PELI2: variants seen among roughly 807,000 people sequenced by gnomAD.
PELI2 encodes the protein pellino E3 ubiquitin protein ligase family member 2.
PELI2 carries 23 observed loss-of-function variants against 42.3 expected under a neutral mutation model. That is an observed-to-expected ratio of 0.54 (90% CI 0.39 to 0.77). The LOEUF (loss-of-function observed/expected upper bound fraction) is 0.77. Ranked by LOEUF, PELI2 falls within the 30% of genes least tolerant of loss-of-function variation. The pLI, the probability that PELI2 is intolerant of heterozygous loss-of-function variation, is 0.00. For missense variants in PELI2, 463 were observed against 553.2 expected (o/e 0.84, Z 1.64); for synonymous variants, 245 against 212.2 (o/e 1.15, Z -1.34).
At chr14:56,136,008 A>G (rs1056305309) in intron 1 of PELI2, among the ~76,000 whole-genome samples, 2 of 152,186 alleles carry the variant, frequency 1.3e-5, no homozygotes, top group Admixed American at 6.5e-5. Flanking sequence ...CTTTCTGAAC[A>G]TTAGTGATTG....
chr14:56,277,920 A>G (rs1889348786), intron 2 of PELI2, among the ~76,000 whole-genome samples: 1 of 152,196 alleles, frequency 6.6e-6, no homozygotes, highest in Non-Finnish European at 1.5e-5. Context: ...GAAACACCAT[A>G]CTTAAGCAGG....
At chr14:56,126,738 GGATT>G (rs931442616) in intron 1 of PELI2, among the ~76,000 whole-genome samples, 5 of 152,086 alleles carry the variant, frequency 3.3e-5, no homozygotes, top group East Asian at 1.9e-4. Flanking sequence ...ATTGATTGAT[GGATT>G]GATTGATTGA....
At chr14:56,282,498 G>A (rs1323615499) in intron 3 of PELI2, among the ~76,000 whole-genome samples, 6 of 152,050 alleles carry the variant, frequency 3.9e-5, no homozygotes, top group Non-Finnish European at 8.8e-5. Flanking sequence ...AGTTGCCTTT[G>A]TGGGGAAAGG....
intron 2 of PELI2, among the ~76,000 whole-genome samples, chr14:56,256,375 C>G (rs1408297043): frequency 1.3e-5 from 2 of 151,898 alleles, no homozygotes; most frequent in Non-Finnish European, 2.9e-5. Flanking sequence ...TCTCTTGAAC[C>G]TAAAAAGATT....
intron 1 of PELI2, among the ~76,000 whole-genome samples, chr14:56,121,826 A>T (rs1883072213): frequency 6.6e-6 from 1 of 152,186 alleles, no homozygotes; most frequent in Non-Finnish European, 1.5e-5. Flanking sequence ...AATTCTGTTC[A>T]TTGGCGCAAA....
chr14:56,233,658 G>GA lies in PELI2; in HGVS notation c.208-46014dup, dbSNP rs543089867. Among the ~76,000 whole-genome samples, 169 of 152,274 alleles carry GA rather than the reference G, an allele frequency of 1.1e-3. 2 individuals are homozygous for GA. Among genetic ancestry groups the GA allele is most frequent in the African/African-American group, 3.9e-3 (163 of 41,546 alleles). On this transcript the variant is annotated intron_variant, in intron 2 of 5. Transcript: ENST00000267460. ...ACCTAAAACCATAAAAACCCTAGAA[G>GA]AAAACGTAGGCAATACCGTTCATAA...
intron 3 of PELI2, among the ~76,000 whole-genome samples, chr14:56,287,330 A>G (rs974656817): frequency 7.9e-5 from 12 of 152,204 alleles, no homozygotes; most frequent in African/African-American, 2.9e-4. Context: ...ATATTTTGCA[A>G]TAAGTCTTCA....
At chr14:56,146,784 C>CT (rs552894561) in intron 1 of PELI2, among the ~76,000 whole-genome samples, 58 of 147,538 alleles carry the variant, frequency 3.9e-4, no homozygotes, top group African/African-American at 4.7e-4. Flanking sequence ...TAAAGGTCTT[C>CT]TTTTTTTTTT....
chr14:56,265,308 G>A (rs557971643), intron 2 of PELI2, among the ~76,000 whole-genome samples: 1 of 152,216 alleles, frequency 6.6e-6, no homozygotes, highest in East Asian at 1.9e-4. Flanking sequence ...TCACAGTGGA[G>A]CCCAGAAATA....
At chr14:56,294,158 A>C (rs1036278014) in intron 5 of PELI2, among the ~76,000 whole-genome samples, 2 of 152,172 alleles carry the variant, frequency 1.3e-5, no homozygotes, top group African/African-American at 4.8e-5. Flanking sequence ...AACTTTTTCT[A>C]AAAACTAATA....
rs142967158 is a variant in PELI2, at chr14:56,235,876, C to G, written c.208-43800C>G. On this transcript the variant is annotated intron_variant, in intron 2 of 5. Transcript: ENST00000267460. Reference sequence around the variant, plus strand: ...TTCTGCGTACATTTAGGTACAAAGGCATAACCTAGCTGGTGAGGTTAGATT... The same window carrying G: ...TTCTGCGTACATTTAGGTACAAAGGGATAACCTAGCTGGTGAGGTTAGATT... Among the ~76,000 whole-genome samples the G allele has an allele frequency of 6.0e-3, 920 of 152,290 alleles. 10 individuals carry two copies. The highest frequency in any genetic ancestry group is 0.021 in the African/African-American group (863 of 41,568).
At chr14:56,227,910 C>G (rs1887419163) in intron 2 of PELI2, among the ~76,000 whole-genome samples, 1 of 152,118 alleles carries the variant, frequency 6.6e-6, no homozygotes, top group Non-Finnish European at 1.5e-5. Flanking sequence ...AGTATAAGCA[C>G]CGAAGTAAAT....
rs566516058 is a variant in PELI2 at position 56,127,225 on chromosome 14, A to G, written c.77+8488A>G. On this transcript the variant is annotated intron_variant, in intron 1 of 5. Transcript: ENST00000267460. The stretch of plus-strand genomic sequence containing the variant: ...GAGAACCATGCTTCTGGCAGACTGG[A>G]ACATAAGCAGCTTTCACCCAGGAGA... Among the ~76,000 whole-genome samples the G allele has an allele frequency of 3.3e-5, 5 of 152,308 alleles. No homozygotes were observed. In the South Asian group the frequency reaches 6.2e-4, roughly 19 times the overall value.
chr14:56,119,799 G>A (rs1325800203), intron 1 of PELI2: 1 of 984,794 alleles, frequency 1.0e-6, no homozygotes, highest in African/African-American at 1.7e-5. Flanking sequence ...GTCGCTCTGG[G>A]AACCCGCGCT....
chr14:56,132,997 A>C (rs771621132), intron 1 of PELI2, among the ~76,000 whole-genome samples: 4 of 152,186 alleles, frequency 2.6e-5, no homozygotes, highest in Non-Finnish European at 4.4e-5. Context: ...TTAATTTAAA[A>C]GGCTGTATAC....
chr14:56,275,677 A>G (rs1889266169), intron 2 of PELI2, among the ~76,000 whole-genome samples: 1 of 152,188 alleles, frequency 6.6e-6, no homozygotes, highest in Admixed American at 6.5e-5. Context: ...GCAGCTGTAA[A>G]TACAGATGAA....
intron 2 of PELI2, among the ~76,000 whole-genome samples, chr14:56,242,218 A>C (rs1391145723): frequency 6.6e-6 from 1 of 152,252 alleles, no homozygotes; most frequent in African/African-American, 2.4e-5. Flanking sequence ...CCAAGAGACT[A>C]TGAACAAAGT....
chr14:56,288,583 A>G lies in PELI2; in HGVS notation c.456A>G (p.Thr152=), dbSNP rs866799810. 1.3e-5 allele frequency: 21 copies of G among 1,614,080 alleles called. No individual in the cohort carries two copies. In the Middle Eastern group the frequency reaches 2.8e-3, roughly 216 times the overall value. The change falls in exon 4 of 6, where the codon ACA becomes ACG. Residue 152 remains threonine (T), a synonymous_variant. Coordinates refer to ENST00000267460, the MANE Select transcript of PELI2 (RefSeq NM_021255.3). The surrounding 1 kb of genome is among the most constrained non-coding windows in gnomAD (Gnocchi z 4.6). The part of the protein sequence containing the change: ...RIVCDRNEPY[T]ARIFAAGFDS... ...TGTGCGACAGGAATGAACCTTACAC[A>G]GCACGGATATTCGCCGCCGGATTTG...
At chr14:56,194,141 C>T (rs1386626308) in intron 2 of PELI2, among the ~76,000 whole-genome samples, 3 of 152,134 alleles carry the variant, frequency 2.0e-5, no homozygotes, top group Admixed American at 1.3e-4. Context: ...AGCTGAGTGT[C>T]AGATGCTTTT....
Sources: gnomAD v4.1 joint callset for allele counts (sites outside exome capture counted in the v4.1 genomes callset) on GRCh38, gnomAD v4.1.1 for gene constraint, Gnocchi (gnomAD v3.1) non-coding constraint, MANE v1.5 for transcripts, NCBI Gene and HGNC (gene_info 2026-07-23, HGNC 2026-07-21) for gene names.